The following KIF13A variants were observed in gnomAD, a reference collection of about 807,000 sequenced individuals.
KIF13A encodes the protein kinesin family member 13A.
In KIF13A, 79 loss-of-function variants were observed where a neutral mutation model predicts 212.2. The observed-to-expected ratio is 0.37, with a 90% CI of 0.31 to 0.45. KIF13A has a LOEUF of 0.45. Ranked by LOEUF, KIF13A falls within the 20% of genes least tolerant of loss-of-function variation. KIF13A has a pLI of 1.00. For missense variants in KIF13A, 1,901 were observed against 2,209.0 expected, an observed-to-expected ratio of 0.86 and a Z score of 2.79; for synonymous variants, 789 against 808.6, an observed-to-expected ratio of 0.98 and a Z score of 0.41.
chr6:17,782,487 T>C (rs527711190), intron 29 of KIF13A, among the ~76,000 whole-genome samples: 114 of 151,732 alleles, frequency 7.5e-4, no homozygotes, highest in East Asian at 4.0e-4. Context: ...AATACAAAAA[T>C]TGGCCAGGCA....
At position 17,769,512 on chromosome 6, in the gene KIF13A, G is replaced by A. The variant is rs1379425423; in HGVS notation, c.4581+1602C>T. 6.6e-6 allele frequency among the ~76,000 whole-genome samples: 1 copy of A among 152,140 alleles called. No individual in the cohort carries two copies. Among genetic ancestry groups the A allele is most frequent in the Non-Finnish European group, 1.5e-5 (1 of 68,042 alleles). The stretch of plus-strand genomic sequence containing the variant: ...CCATCCTTCTCTCTGCTAGCTGAAA[G>A]CCCCGAGATGGGTTTTATTTTAAAA... On this transcript the variant is annotated intron_variant, in intron 38 of 38. Transcript: ENST00000259711. The surrounding 1 kb of genome is among the most constrained non-coding windows in gnomAD (Gnocchi z 5.8).
rs1239616180 is a variant in KIF13A, at chr6:17,826,962, C to T, written c.1533-838G>A. Among the ~76,000 whole-genome samples, 1 of 150,524 alleles carries T rather than the reference C, an allele frequency of 6.6e-6. No individual in the cohort carries two copies. The highest frequency in any genetic ancestry group is 6.6e-5 in the Admixed American group (1 of 15,088). ...CCTGTAATCCCAGCTACTTGGGAGG[C>T]GAGGCAGGAGGTTTGCTTGAACCTG... On this transcript the variant is annotated intron_variant, in intron 14 of 38. Coordinates refer to ENST00000259711, the MANE Select transcript of KIF13A (RefSeq NM_022113.6). The surrounding 1 kb of genome is among the most constrained non-coding windows in gnomAD (Gnocchi z 4.7).
chr6:17,877,408 T>C (rs531133769), intron 3 of KIF13A, among the ~76,000 whole-genome samples: 47 of 152,264 alleles, frequency 3.1e-4, no homozygotes, highest in Non-Finnish European at 6.0e-4. Context: ...GCTCTTCCAA[T>C]GACTCTAGAG....
At position 17,984,235 on chromosome 6, in the gene KIF13A, C is replaced by G. The variant is rs1443386487; in HGVS notation, c.146+2819G>C. Among the ~76,000 whole-genome samples the G allele has an allele frequency of 6.6e-6, 1 of 152,184 alleles. No homozygotes were observed. The highest frequency in any genetic ancestry group is 2.4e-5 in the African/African-American group (1 of 41,436). ...ATTTTAACTACTTTTTCCTCTCTCT[C>G]CTCCTTCTCTCCAAGGTGAGTGACT... On this transcript the variant is annotated intron_variant, in intron 2 of 38. Transcript: ENST00000259711. This position sits in a 1 kb window ranked among gnomAD's most constrained non-coding sequence, Gnocchi z 5.0.
At chr6:17,909,105 T>C (rs1773792791) in intron 2 of KIF13A, among the ~76,000 whole-genome samples, 1 of 152,236 alleles carries the variant, frequency 6.6e-6, no homozygotes, top group Admixed American at 6.5e-5. Context: ...GCCATTGCTG[T>C]TGTTACAACA....
At chr6:17,814,322 C>T (rs1167821620) in intron 17 of KIF13A, among the ~76,000 whole-genome samples, 1 of 143,154 alleles carries the variant, frequency 7.0e-6, no homozygotes, top group Non-Finnish European at 1.5e-5. Flanking sequence ...GATCTCAGAT[C>T]ACTGCAACCT....
At chr6:17,810,235 C>T (rs971016391) in intron 17 of KIF13A, among the ~76,000 whole-genome samples, 1 of 152,162 alleles carries the variant, frequency 6.6e-6, no homozygotes, top group African/African-American at 2.4e-5. Context: ...GGCTCAGGGC[C>T]CTTACACCCT....
intron 2 of KIF13A, among the ~76,000 whole-genome samples, chr6:17,916,006 T>C (rs1774481595): frequency 2.0e-5 from 3 of 151,964 alleles, no homozygotes; most frequent in Admixed American, 1.3e-4. Context: ...CCCATGTCTA[T>C]TACAAATGAG....
Position 17,823,723 on chromosome 6 carries a change from C to A in KIF13A, c.1786+2045G>T, listed in dbSNP as rs948585767. On this transcript the variant is annotated intron_variant, in intron 16 of 38. Transcript: ENST00000259711. ...CCTCAAGTAATCTTCCTGCCTCAGC[C>A]TCCCAAAGTGCTGGGATTACAGGTG... Among the ~76,000 whole-genome samples the A allele has an allele frequency of 2.0e-5, 3 of 151,960 alleles. No individual in the cohort carries two copies. In the South Asian group the frequency reaches 6.3e-4, roughly 32 times the overall value.
intron 2 of KIF13A, among the ~76,000 whole-genome samples, chr6:17,958,339 G>C (rs1258126370): frequency 8.5e-5 from 13 of 152,190 alleles, no homozygotes; most frequent in Non-Finnish European, 1.6e-4. Flanking sequence ...ATTCCTCTCA[G>C]CAGTAATGTT....
At chr6:17,770,876 A>G in intron 38 of KIF13A, 1 of 592,022 alleles carries the variant, frequency 1.7e-6, no homozygotes, top group South Asian at 3.0e-5. Flanking sequence ...AAGCAATAAA[A>G]GTGCCTTTCT....
chr6:17,944,479 C>A (rs1448217149), intron 2 of KIF13A, among the ~76,000 whole-genome samples: 1 of 152,128 alleles, frequency 6.6e-6, no homozygotes, highest in Non-Finnish European at 1.5e-5. Flanking sequence ...ATTGTGACAG[C>A]TTATCAAGAC....
intron 6 of KIF13A, among the ~76,000 whole-genome samples, chr6:17,853,763 A>G (rs1265911649): frequency 6.6e-6 from 1 of 152,212 alleles, no homozygotes; most frequent in Non-Finnish European, 1.5e-5. Flanking sequence ...ATTATGCAAA[A>G]TTATTTGTAA....
At position 17,771,265 on chromosome 6, in the gene KIF13A, C is replaced by T. The variant is rs368800893; in HGVS notation, c.4477-47G>A. The T allele has an allele frequency of 5.6e-5, 69 of 1,221,672 alleles. No homozygotes were observed. The highest frequency in any genetic ancestry group is 1.7e-4 in the East Asian group (7 of 41,876). The allele number at this position is 1,221,672 out of a possible 1,614,324, so 75.7% of individuals were successfully genotyped here. A position where few individuals can be genotyped will look rare whatever the true frequency, so the allele number is the denominator to read the frequency against. On this transcript the variant is annotated intron_variant, in intron 37 of 38. Transcript: ENST00000259711. The surrounding 1 kb of genome is among the most constrained non-coding windows in gnomAD (Gnocchi z 5.4). ...GATGCATCACACACAAAGACGACAA[C>T]GGCCAAAATACATATTAAGTACATG...
intron 2 of KIF13A, among the ~76,000 whole-genome samples, chr6:17,981,518 G>A (rs562245723): frequency 1.3e-5 from 2 of 148,908 alleles, no homozygotes; most frequent in East Asian, 2.0e-4. Flanking sequence ...TACGCCTCCC[G>A]GGTTCAAGCA....
chr6:17,818,116 C>T (rs1319240509), intron 16 of KIF13A, among the ~76,000 whole-genome samples: 1 of 151,972 alleles, frequency 6.6e-6, no homozygotes, highest in Non-Finnish European at 1.5e-5. Flanking sequence ...GAATGTTAGA[C>T]AATCTCAATA....
At chr6:17,805,823 C>A (rs1762890747) in intron 18 of KIF13A, among the ~76,000 whole-genome samples, 1 of 152,084 alleles carries the variant, frequency 6.6e-6, no homozygotes, top group Non-Finnish European at 1.5e-5. Context: ...TTATCACGAT[C>A]AAGACCAAAC....
At chr6:17,960,361 A>G (rs750137496) in intron 2 of KIF13A, among the ~76,000 whole-genome samples, 25 of 152,222 alleles carry the variant, frequency 1.6e-4, no homozygotes, top group Non-Finnish European at 2.8e-4. Flanking sequence ...ATGTTTGTTG[A>G]CTAAACTTAA....
intron 3 of KIF13A, among the ~76,000 whole-genome samples, chr6:17,894,505 T>G (rs919867619): frequency 3.4e-5 from 5 of 148,104 alleles, no homozygotes; most frequent in African/African-American, 1.2e-4. Flanking sequence ...TAATCATGAC[T>G]TTTTTTTTTA....
Sources: gnomAD v4.1 joint callset for allele counts (sites outside exome capture counted in the v4.1 genomes callset) on GRCh38, gnomAD v4.1.1 for gene constraint, Gnocchi (gnomAD v3.1) non-coding constraint, MANE v1.5 for transcripts, NCBI Gene and HGNC (gene_info 2026-07-23, HGNC 2026-07-21) for gene names.